The following SAP25 variants were observed in gnomAD, a reference collection of about 807,000 sequenced individuals.
The protein encoded by SAP25 is histone deacetylase complex subunit SAP25.
A neutral mutation model predicts 31.5 loss-of-function variants in SAP25; 24 were observed. The ratio of observed to expected loss-of-function variants is 0.76; its 90% CI spans 0.55 to 1.07. The LOEUF is 1.07. SAP25 is among the 50% of genes least tolerant of loss of function. The pLI, the probability that SAP25 is intolerant of heterozygous loss-of-function variation, is 0.00. For missense variants in SAP25, 377 were observed against 418.8 expected (o/e 0.90, Z 0.87); for synonymous variants, 180 against 186.0 (o/e 0.97, Z 0.26).
intron 3 of SAP25, 46 bp downstream of exon 3, chr7:100,573,060 C>T: frequency 6.6e-7 from 1 of 1,514,194 alleles, no homozygotes; most frequent in Middle Eastern, 1.7e-4. Flanking sequence ...CACCGCACAG[C>T]TCCCTGAGCA....
In SAP25 at chr7:100,573,404, G is replaced by C; in HGVS notation, c.147-4C>G. The C allele has an allele frequency of 5.3e-6, 7 of 1,329,604 alleles. No homozygotes were observed. Among genetic ancestry groups the C allele is most frequent in the Non-Finnish European group, 6.8e-6 (7 of 1,030,792 alleles). 82.4% of individuals were successfully genotyped at this position (1,329,604 alleles called of 1,614,324 possible). A position where few individuals can be genotyped will look rare whatever the true frequency, so the allele number is the denominator to read the frequency against. On this transcript the variant is annotated splice_polypyrimidine_tract_variant and splice_region_variant and intron_variant, in intron 1 of 5. Coordinates refer to ENST00000622764, the MANE Select transcript of SAP25 (RefSeq NM_001348680.2). Reference sequence around the variant, plus strand: ...GCTACGGGATGGGGGCTGTGGGCTGGAGGGGCAGGGACTGAGGCTGCAGCC... The same window carrying C: ...GCTACGGGATGGGGGCTGTGGGCTGCAGGGGCAGGGACTGAGGCTGCAGCC...
chr7:100,572,505 A>G lies in SAP25; in HGVS notation c.676T>C (p.Ser226Pro). 7.0e-7 allele frequency: 1 copy of G among 1,430,308 alleles called. No individual in the cohort carries two copies. Among genetic ancestry groups the G allele is most frequent in the South Asian group, 1.5e-5 (1 of 67,922 alleles). 88.6% of individuals were successfully genotyped at this position (1,430,308 alleles called of 1,614,324 possible). A position where few individuals can be genotyped will look rare whatever the true frequency, so the allele number is the denominator to read the frequency against. ...IMSARVLPRPSPSRGPSTAWL... is the reference protein window; with the variant it reads ...IMSARVLPRPPPSRGPSTAWL... ...GCAGTGGAGGGGCCCCGGGAGGGTG[A>G]TGGGCGGGGGAGCACCCTGGCAGAC... Residue 226 changes from serine to proline, a missense_variant, in exon 6 of 6, where the codon TCA (serine) becomes CCA (proline). Physicochemically the swap from Ser to Pro is moderately conservative, Grantham distance 74. Coordinates refer to ENST00000622764, the MANE Select transcript of SAP25 (RefSeq NM_001348680.2). The surrounding 1 kb of genome is among the most constrained non-coding windows in gnomAD (Gnocchi z 4.1).
Position 100,572,269 on chromosome 7 carries a change from C to T in SAP25, c.*18G>A. ...TGTTTTATTGTCAACACAACCAGCC[C>T]ACTCTGCCCTGAGAAGGCTATGGAC... is the stretch of plus-strand genomic sequence containing the variant. On this transcript the variant is annotated 3_prime_UTR_variant, in exon 6 of 6. Transcript: ENST00000622764. This position sits in a 1 kb window ranked among gnomAD's most constrained non-coding sequence, Gnocchi z 4.1. 1 of 1,270,466 alleles carries T rather than the reference C, an allele frequency of 7.9e-7. No homozygotes were observed. The highest frequency in any genetic ancestry group is 9.9e-7 in the Non-Finnish European group (1 of 1,009,128). 78.7% of individuals were successfully genotyped at this position (1,270,466 alleles called of 1,614,324 possible). A position where few individuals can be genotyped will look rare whatever the true frequency, so the allele number is the denominator to read the frequency against.
chr7:100,573,777 TCCCCGCCGCCCGGCCCGGC>T lies in SAP25; in HGVS notation c.-54_-36del. The T allele has an allele frequency of 8.4e-7, 1 of 1,187,742 alleles. No homozygotes were observed. The highest frequency in any genetic ancestry group is 1.0e-6 in the Non-Finnish European group (1 of 959,952). 73.6% of individuals were successfully genotyped at this position (1,187,742 alleles called of 1,614,324 possible). A position where few individuals can be genotyped will look rare whatever the true frequency, so the allele number is the denominator to read the frequency against. ...CCGAGCGCAGGACGGTACCGCCGTGTCCCCGCCGCCCGGCCCGGCCCTCTCAGCCTCCCTCCGCGGCGCG... is the reference window on the plus strand; with the variant it reads ...CCGAGCGCAGGACGGTACCGCCGTGTCCTCTCAGCCTCCCTCCGCGGCGCG... On this transcript the variant is annotated 5_prime_UTR_variant, in exon 1 of 6. Coordinates refer to ENST00000622764, the MANE Select transcript of SAP25 (RefSeq NM_001348680.2).
chr7:100,572,857 T>C lies in SAP25; in HGVS notation c.511+3A>G. The C allele has an allele frequency of 6.8e-7, 1 of 1,465,624 alleles. No homozygotes were observed. Among genetic ancestry groups the C allele is most frequent in the Non-Finnish European group, 9.0e-7 (1 of 1,113,270 alleles). 90.8% of individuals were successfully genotyped at this position (1,465,624 alleles called of 1,614,324 possible). A position where few individuals can be genotyped will look rare whatever the true frequency, so the allele number is the denominator to read the frequency against. On this transcript the variant is annotated splice_donor_region_variant and intron_variant, in intron 4 of 5. Coordinates refer to ENST00000622764, the MANE Select transcript of SAP25 (RefSeq NM_001348680.2). The surrounding 1 kb of genome is among the most constrained non-coding windows in gnomAD (Gnocchi z 4.1). ...TGCGCCCCCGGGGGACCAAGGGAGG[T>C]ACCTGCATCTGGGGGCGCCTGCTGT...
chr7:100,573,758 G>T lies in SAP25; in HGVS notation c.-16C>A. The T allele has an allele frequency of 8.3e-7, 1 of 1,208,430 alleles. No homozygotes were observed. The allele number at this position is 1,208,430 out of a possible 1,614,324, so 74.9% of individuals were successfully genotyped here. On this transcript the variant is annotated 5_prime_UTR_variant, in exon 1 of 6. Transcript: ENST00000622764. ...AGGGCAACATTCCGCGTTCCCGAGC[G>T]CAGGACGGTACCGCCGTGTCCCCGC...
Position 100,572,242 on chromosome 7 carries a change from A to G in SAP25, c.*45T>C. 8.0e-7 allele frequency: 1 copy of G among 1,250,472 alleles called. No individual in the cohort carries two copies. The highest frequency in any genetic ancestry group is 1.0e-6 in the Non-Finnish European group (1 of 996,358). The allele number at this position is 1,250,472 out of a possible 1,614,324, so 77.5% of individuals were successfully genotyped here. A position where few individuals can be genotyped will look rare whatever the true frequency, so the allele number is the denominator to read the frequency against. ...CACGGAGCCTGTTTTGCAAACCAAC[A>G]CTGTTTTATTGTCAACACAACCAGC... On this transcript the variant is annotated 3_prime_UTR_variant, in exon 6 of 6. Transcript: ENST00000622764. The surrounding 1 kb of genome is among the most constrained non-coding windows in gnomAD (Gnocchi z 4.1).
At chr7:100,573,491 G>T in intron 1 of SAP25, 91 bp from the exon 2 acceptor site, 1 of 1,208,208 alleles carries the variant, frequency 8.3e-7, no homozygotes, top group East Asian at 3.1e-5. Flanking sequence ...GAGACCGAGG[G>T]ACCCAATCTC....
Position 100,572,859 on chromosome 7 carries a change from C to G in SAP25, c.511+1G>C. 6.8e-7 allele frequency: 1 copy of G among 1,466,254 alleles called. No individual in the cohort carries two copies. The highest frequency in any genetic ancestry group is 9.0e-7 in the Non-Finnish European group (1 of 1,113,516). The allele number at this position is 1,466,254 out of a possible 1,614,324, so 90.8% of individuals were successfully genotyped here. A position where few individuals can be genotyped will look rare whatever the true frequency, so the allele number is the denominator to read the frequency against. ...CGCCCCCGGGGGACCAAGGGAGGTA[C>G]CTGCATCTGGGGGCGCCTGCTGTCC... On this transcript the variant is annotated splice_donor_variant, in intron 4 of 5. Transcript: ENST00000622764. LOFTEE classifies it high-confidence loss of function. The surrounding 1 kb of genome is among the most constrained non-coding windows in gnomAD (Gnocchi z 4.1).
At position 100,572,574 on chromosome 7, in the gene SAP25, G is replaced by C. The variant is rs192260694; in HGVS notation, c.610-3C>G. The C allele has an allele frequency of 3.9e-5, 57 of 1,471,652 alleles. No homozygotes were observed. In the African/African-American group the frequency reaches 7.7e-4, roughly 20 times the overall value. The allele number at this position is 1,471,652 out of a possible 1,614,324, so 91.2% of individuals were successfully genotyped here. On this transcript the variant is annotated splice_polypyrimidine_tract_variant and splice_region_variant and intron_variant, in intron 5 of 5. Coordinates refer to ENST00000622764, the MANE Select transcript of SAP25 (RefSeq NM_001348680.2). The surrounding 1 kb of genome is among the most constrained non-coding windows in gnomAD (Gnocchi z 4.1). ...AGCAGTTTCAGGGAGCCCATCATCT[G>C]AGGAGAGAGAATGGAATGTGTTTCC...
chr7:100,573,446 C>A, intron 1 of SAP25, 46 bp from the exon 2 acceptor site: 1 of 1,248,642 alleles, frequency 8.0e-7, no homozygotes, highest in Non-Finnish European at 1.0e-6. Flanking sequence ...CCCCCACGCA[C>A]CCTCCCCTGG....
At position 100,573,744 on chromosome 7, in the gene SAP25, C is replaced by T. The variant is rs1801232249; in HGVS notation, c.-2G>A. ...CCGCGGCGGCGACCAGGGCAACATT[C>T]CGCGTTCCCGAGCGCAGGACGGTAC... On this transcript the variant is annotated 5_prime_UTR_variant, in exon 1 of 6. Coordinates refer to ENST00000622764, the MANE Select transcript of SAP25 (RefSeq NM_001348680.2). The T allele has an allele frequency of 8.2e-7, 1 of 1,216,202 alleles. No individual in the cohort carries two copies. The highest frequency in any genetic ancestry group is 1.6e-5 in the African/African-American group (1 of 63,696). 75.3% of individuals were successfully genotyped at this position (1,216,202 alleles called of 1,614,324 possible).
Position 100,573,308 on chromosome 7 carries a change from G to C in SAP25, c.239C>G (p.Pro80Arg). Reference sequence around the variant, plus strand: ...AGGGCCTGTCCTACCTGGGGCTCCGGGGGGCTGCTCAGTGGCCGGGCCTGG... The same window carrying C: ...AGGGCCTGTCCTACCTGGGGCTCCGCGGGGCTGCTCAGTGGCCGGGCCTGG... ...HLPGPATEQPPGAPDPRSPQV... is the reference protein window; with the variant it reads ...HLPGPATEQPRGAPDPRSPQV... The change falls in exon 2 of 6, where the codon CCC becomes CGC. Residue 80 changes from proline to arginine, a missense_variant. Coordinates refer to ENST00000622764, the MANE Select transcript of SAP25 (RefSeq NM_001348680.2). 7.2e-7 allele frequency: 1 copy of C among 1,395,852 alleles called. No individual in the cohort carries two copies. Among genetic ancestry groups the C allele is most frequent in the Non-Finnish European group, 9.3e-7 (1 of 1,074,510 alleles). The allele number at this position is 1,395,852 out of a possible 1,614,324, so 86.5% of individuals were successfully genotyped here. A position where few individuals can be genotyped will look rare whatever the true frequency, so the allele number is the denominator to read the frequency against.
chr7:100,573,571 C>T (rs1184909907), intron 1 of SAP25, 26 bp downstream of exon 1: 3 of 1,234,314 alleles, frequency 2.4e-6, no homozygotes, highest in African/African-American at 1.6e-5. Flanking sequence ...TCGCTGTCCC[C>T]CCACGGCTCC....
At position 100,572,835 on chromosome 7, in the gene SAP25, G is replaced by A. The variant is rs771843874; in HGVS notation, c.511+25C>T. ...CCCAGAGGAGTTGGGGCAGCCTTGC[G>A]CCCCCGGGGGACCAAGGGAGGTACC... On this transcript the variant is annotated intron_variant, in intron 4 of 5. Transcript: ENST00000622764. This position sits in a 1 kb window ranked among gnomAD's most constrained non-coding sequence, Gnocchi z 4.1. 2.7e-5 allele frequency: 40 copies of A among 1,480,782 alleles called. No homozygotes were observed. The highest frequency in any genetic ancestry group is 9.9e-5 in the East Asian group (4 of 40,360). 91.7% of individuals were successfully genotyped at this position (1,480,782 alleles called of 1,614,324 possible).
chr7:100,572,934 G>A lies in SAP25; in HGVS notation c.437C>T (p.Ala146Val). 2.0e-6 allele frequency: 3 copies of A among 1,500,942 alleles called. No homozygotes were observed. Among genetic ancestry groups the A allele is most frequent in the Non-Finnish European group, 2.7e-6 (3 of 1,128,646 alleles). The allele number at this position is 1,500,942 out of a possible 1,614,324, so 93.0% of individuals were successfully genotyped here. The change falls in exon 4 of 6, where the codon GCC (alanine) becomes GTC (valine). Residue 146 changes from alanine to valine, a missense_variant. Physicochemically the swap from Ala to Val is moderately conservative, Grantham distance 64 (BLOSUM62 0). Coordinates refer to ENST00000622764, the MANE Select transcript of SAP25 (RefSeq NM_001348680.2). The surrounding 1 kb of genome is among the most constrained non-coding windows in gnomAD (Gnocchi z 4.1). The part of the protein sequence containing the change: ...HPSFWPLYEA[A>V]SGRGLRPVAP... ...CACGGGCCTGAGACCCCTGCCCGAG[G>A]CTGCTTCATACAGCGGCCAGAATGA...
chr7:100,572,598 C>A lies in SAP25; in HGVS notation c.610-27G>T. Reference sequence around the variant, plus strand: ...TGAGGAGAGAGAATGGAATGTGTTTCCTGCCAGGCAAGCCTGGAGGCTGGG... The same window carrying A: ...TGAGGAGAGAGAATGGAATGTGTTTACTGCCAGGCAAGCCTGGAGGCTGGG... On this transcript the variant is annotated intron_variant, in intron 5 of 5. Transcript: ENST00000622764. The surrounding 1 kb of genome is among the most constrained non-coding windows in gnomAD (Gnocchi z 4.1). 3 of 1,489,306 alleles carry A rather than the reference C, an allele frequency of 2.0e-6. No individual in the cohort carries two copies. The African/African-American group carries it at 4.3e-5, about 21-fold the overall frequency. The allele number at this position is 1,489,306 out of a possible 1,614,324, so 92.3% of individuals were successfully genotyped here. A position where few individuals can be genotyped will look rare whatever the true frequency, so the allele number is the denominator to read the frequency against.
In SAP25 at chr7:100,572,542, C is replaced by A; in HGVS notation, c.639G>T (p.Pro213=). The part of the protein sequence containing the change: ...QMMGSLKLLP[P]PPIMSARVLP... ...GCACCCTGGCAGACATGATGGGGGG[C>A]GGCGGCAGCAGTTTCAGGGAGCCCA... The change falls in exon 6 of 6, where the codon CCG becomes CCT. Residue 213 remains proline (P), a synonymous_variant. Transcript: ENST00000622764. The surrounding 1 kb of genome is among the most constrained non-coding windows in gnomAD (Gnocchi z 4.1). 7.0e-7 allele frequency: 1 copy of A among 1,436,202 alleles called. No individual in the cohort carries two copies. The highest frequency in any genetic ancestry group is 9.1e-7 in the Non-Finnish European group (1 of 1,098,676). 89.0% of individuals were successfully genotyped at this position (1,436,202 alleles called of 1,614,324 possible). A position where few individuals can be genotyped will look rare whatever the true frequency, so the allele number is the denominator to read the frequency against.
In SAP25 at chr7:100,573,723, G is replaced by A. The variant is rs1801231417; in HGVS notation, c.20C>T (p.Pro7Leu). The A allele has an allele frequency of 8.2e-7, 1 of 1,223,406 alleles. No individual in the cohort carries two copies. The highest frequency in any genetic ancestry group is 1.0e-6 in the Non-Finnish European group (1 of 982,608). 75.8% of individuals were successfully genotyped at this position (1,223,406 alleles called of 1,614,324 possible). The change falls in exon 1 of 6, where the codon CCG becomes CTG. Residue 7 changes from proline to leucine, a missense_variant. Coordinates refer to ENST00000622764, the MANE Select transcript of SAP25 (RefSeq NM_001348680.2). The stretch of plus-strand genomic sequence containing the variant: ...CTCCTCCGGGCCCGCGCCCCACCGC[G>A]GCGGCGACCAGGGCAACATTCCGCG... MLPWSP[P>L]RWGAGPEEAP... is the part of the protein sequence containing the mutation.
Sources: gnomAD v4.1 joint callset for allele counts on GRCh38, gnomAD v4.1.1 for gene constraint, Gnocchi (gnomAD v3.1) non-coding constraint, MANE v1.5 for transcripts, NCBI Gene and HGNC (gene_info 2026-07-23, HGNC 2026-07-21) for gene names.